The following DAAM1 variants were observed in gnomAD, a reference collection of about 807,000 sequenced individuals.
DAAM1 encodes the protein dishevelled associated activator of morphogenesis 1.
DAAM1 carries 52 observed loss-of-function variants against 130.0 expected under a neutral mutation model. The observed-to-expected ratio is 0.40, with a 90% CI of 0.32 to 0.50. DAAM1 has a LOEUF of 0.50. Ranked by LOEUF, DAAM1 falls within the 20% of genes least tolerant of loss-of-function variation. DAAM1 has a pLI of 0.61. For missense variants in DAAM1, 1,134 were observed against 1,303.8 expected (o/e 0.87, Z 2.01); for synonymous variants, 452 against 444.5 (o/e 1.02, Z -0.21).
rs139375676 is a variant in DAAM1, at chr14:59,327,357, G to A, written c.1372+366G>A. 5.4e-5 allele frequency among the ~76,000 whole-genome samples: 8 copies of A among 146,908 alleles called. 1 individual carries two copies. In the East Asian group the frequency reaches 1.6e-3, roughly 30 times the overall value. On this transcript the variant is annotated intron_variant, in intron 12 of 24. Transcript: ENST00000360909. ...TTAAGAAATGTAATAAGGGACTTGA[G>A]GAATTATCCAAAATTTTAAAAGAGA...
chr14:59,195,686 C>T (rs2139383062), intron 1 of DAAM1, among the ~76,000 whole-genome samples: 1 of 152,260 alleles, frequency 6.6e-6, no homozygotes, highest in East Asian at 1.9e-4. Context: ...GAGTAGATAG[C>T]CCAGATCCTA....
At chr14:59,207,677 C>T (rs553086337) in intron 1 of DAAM1, among the ~76,000 whole-genome samples, 23 of 152,238 alleles carry the variant, frequency 1.5e-4, no homozygotes, top group South Asian at 1.4e-3. Flanking sequence ...TTTGAACTCA[C>T]GAACACACTG....
chr14:59,217,956 G>C (rs1021734292), intron 1 of DAAM1, among the ~76,000 whole-genome samples: 1 of 150,898 alleles, frequency 6.6e-6, no homozygotes, highest in Admixed American at 6.6e-5. Context: ...CTGGGCGACA[G>C]AGCGACTCTG....
intron 16 of DAAM1, 92 bp from the exon 17 acceptor site, chr14:59,347,446 AC>A: frequency 8.5e-6 from 10 of 1,181,518 alleles, no homozygotes; most frequent in Non-Finnish European, 9.8e-6. Flanking sequence ...AGAAAAAAGT[AC>A]TTGAAAATCA....
At chr14:59,338,385 G>A (rs1885707662) in intron 15 of DAAM1, 1 of 1,613,668 alleles carries the variant, frequency 6.2e-7, no homozygotes, top group Non-Finnish European at 8.5e-7. Flanking sequence ...ATGGCTGTAG[G>A]ATTTCTTTGT....
At chr14:59,204,177 T>G (rs1263307988) in intron 1 of DAAM1, among the ~76,000 whole-genome samples, 1 of 152,232 alleles carries the variant, frequency 6.6e-6, no homozygotes, top group Non-Finnish European at 1.5e-5. Flanking sequence ...ATGCTGTGGC[T>G]AGATTCTCTG....
At chr14:59,368,436 A>AC (rs1887011295) in intron 24 of DAAM1, among the ~76,000 whole-genome samples, 1 of 152,052 alleles carries the variant, frequency 6.6e-6, no homozygotes, top group Admixed American at 6.6e-5. Flanking sequence ...TGAGGGTCTA[A>AC]CCACAAGGGA....
intron 1 of DAAM1, among the ~76,000 whole-genome samples, chr14:59,228,253 CG>C (rs987591007): frequency 8.5e-5 from 13 of 152,132 alleles, no homozygotes; most frequent in African/African-American, 3.1e-4. Context: ...AAAATAATTA[CG>C]GTGGTTTTCA....
At chr14:59,266,201 GT>G (rs1389669005) in intron 2 of DAAM1, 1 of 151,674 alleles carries the variant, frequency 6.6e-6, no homozygotes, top group East Asian at 1.9e-4. Context: ...GGACATAGGT[GT>G]TGCTGATAGC....
chr14:59,320,958 C>T (rs966411444), intron 5 of DAAM1, among the ~76,000 whole-genome samples: 2 of 152,050 alleles, frequency 1.3e-5, no homozygotes, highest in African/African-American at 2.4e-5. Context: ...TTCTGCTCCT[C>T]GGAATGTAGC....
intron 1 of DAAM1, among the ~76,000 whole-genome samples, chr14:59,191,620 T>C (rs954317433): frequency 4.6e-5 from 7 of 152,202 alleles, no homozygotes; most frequent in African/African-American, 1.7e-4. Flanking sequence ...TAGACATATT[T>C]CCTAATTATT....
intron 23 of DAAM1, among the ~76,000 whole-genome samples, chr14:59,365,501 C>T (rs1886880437): frequency 6.6e-6 from 1 of 152,078 alleles, no homozygotes; most frequent in South Asian, 2.1e-4. Context: ...ACATTGAAAA[C>T]AACTCCTCAG....
chr14:59,272,638 C>CATAT (rs1566678302), intron 2 of DAAM1, among the ~76,000 whole-genome samples: 2 of 115,252 alleles, frequency 1.7e-5, no homozygotes, highest in Non-Finnish European at 3.8e-5. Context: ...CACATACACA[C>CATAT]ATATATATGT....
chr14:59,232,634 T>TC (rs1491168209), intron 1 of DAAM1, among the ~76,000 whole-genome samples: 1 of 98,414 alleles, frequency 1.0e-5, no homozygotes, highest in African/African-American at 2.9e-5. Flanking sequence ...AAATTTTCTC[T>TC]TTTTTTTTTT....
chr14:59,296,280 T>C (rs10483713), intron 3 of DAAM1, among the ~76,000 whole-genome samples: 10,020 of 152,248 alleles, frequency 0.066, 430 homozygotes, highest in Non-Finnish European at 0.097. Flanking sequence ...GATGAGGATT[T>C]GTGTATAAGC....
At chr14:59,351,044 T>C (rs58731692) in intron 17 of DAAM1, among the ~76,000 whole-genome samples, 19,170 of 151,724 alleles carry the variant, frequency 0.13, 1,574 homozygotes, top group African/African-American at 0.23. Context: ...AAACTCACCT[T>C]CTCCTCCCCA....
At chr14:59,330,240 T>C (rs1885371961) in intron 12 of DAAM1, among the ~76,000 whole-genome samples, 1 of 152,044 alleles carries the variant, frequency 6.6e-6, no homozygotes, top group South Asian at 2.1e-4. Flanking sequence ...AAACTTTTGT[T>C]CTGTGTTTAG....
intron 12 of DAAM1, among the ~76,000 whole-genome samples, chr14:59,329,466 G>A (rs1240677169): frequency 6.6e-6 from 1 of 152,042 alleles, no homozygotes; most frequent in African/African-American, 2.4e-5. Flanking sequence ...CTCTAATTTG[G>A]GGGAACTCAG....
chr14:59,330,252 A>T (rs1885372404), intron 12 of DAAM1, among the ~76,000 whole-genome samples: 1 of 150,332 alleles, frequency 6.7e-6, no homozygotes, highest in African/African-American at 2.5e-5. Context: ...TGTGTTTAGA[A>T]CTGTGAGTGT....
Sources: gnomAD v4.1 joint callset for allele counts (sites outside exome capture counted in the v4.1 genomes callset) on GRCh38, gnomAD v4.1.1 for gene constraint, MANE v1.5 for transcripts, NCBI Gene and HGNC (gene_info 2026-07-23, HGNC 2026-07-21) for gene names.